Variants in CNOT8 observed in about 807,000 individuals in gnomAD.
CNOT8 encodes the protein CCR4-NOT transcription complex subunit 8.
Under a neutral mutation model 34.6 loss-of-function variants are expected in CNOT8, and 18 were observed. The observed-to-expected ratio is 0.52, with a 90% CI of 0.36 to 0.77. CNOT8 has a LOEUF of 0.77. Among genes scored for constraint, CNOT8 ranks in the 30% least tolerant of loss-of-function variants. The pLI, the probability that CNOT8 is intolerant of heterozygous loss-of-function variation, is 0.00. For synonymous variants in CNOT8, 101 were observed against 118.8 expected, an observed-to-expected ratio of 0.85 and a Z score of 0.98; for missense variants, 189 against 347.9, an observed-to-expected ratio of 0.54 and a Z score of 3.63.
intron 1 of CNOT8, among the ~76,000 whole-genome samples, chr5:154,862,480 A>AT (rs1761446525): frequency 6.6e-6 from 1 of 152,156 alleles, no homozygotes; most frequent in Non-Finnish European, 1.5e-5. Context: ...AAAAAAAAAA[A>AT]AGTAAATACT....
rs1414008274 is a variant in CNOT8 at position 154,865,127 on chromosome 5, G to A, written c.118-65G>A. 5 of 1,270,968 alleles carry A rather than the reference G, an allele frequency of 3.9e-6. No homozygotes were observed. The African/African-American group carries it at 7.6e-5, about 19-fold the overall frequency. 78.7% of individuals were successfully genotyped at this position (1,270,968 alleles called of 1,614,324 possible). A position where few individuals can be genotyped will look rare whatever the true frequency, so the allele number is the denominator to read the frequency against. ...TAAATGGAGGTAAAATTTTATTTAT[G>A]AATTACCAATTCAGCATCCACTGTT... On this transcript the variant is annotated intron_variant, in intron 2 of 6. Coordinates refer to ENST00000285896, the MANE Select transcript of CNOT8 (RefSeq NM_001301073.2).
rs183706752 is a variant in CNOT8 at position 154,870,647 on chromosome 5, A to G, written c.312-14A>G. The G allele has an allele frequency of 5.0e-6, 8 of 1,605,908 alleles. No homozygotes were observed. In the Admixed American group the frequency reaches 1.0e-4, roughly 21 times the overall value. On this transcript the variant is annotated splice_polypyrimidine_tract_variant and intron_variant, in intron 3 of 6. Transcript: ENST00000285896. Reference sequence around the variant, plus strand: ...ATTATTCACCAGTTAATAAATAAACACCTTGTTTTTTAGAGAGGACATGTA... The same window carrying G: ...ATTATTCACCAGTTAATAAATAAACGCCTTGTTTTTTAGAGAGGACATGTA...
At position 154,875,196 on chromosome 5, in the gene CNOT8, C is replaced by G. The variant is rs564924597; in HGVS notation, c.730-94C>G. 1.9e-5 allele frequency: 26 copies of G among 1,376,788 alleles called. No homozygotes were observed. In the African/African-American group the frequency reaches 3.4e-4, roughly 18 times the overall value. The allele number at this position is 1,376,788 out of a possible 1,614,324, so 85.3% of individuals were successfully genotyped here. The stretch of plus-strand genomic sequence containing the variant: ...CCTCACAAAGTGCTTGGATTCCAGA[C>G]GTGAGCCATTGCACCCGGCCAGATG... On this transcript the variant is annotated intron_variant, in intron 6 of 6. Transcript: ENST00000285896.
intron 4 of CNOT8, among the ~76,000 whole-genome samples, chr5:154,871,189 G>T (rs1255330795): frequency 6.6e-6 from 1 of 152,094 alleles, no homozygotes; most frequent in Non-Finnish European, 1.5e-5. Context: ...GATTTTTGGT[G>T]AATCGAATCT....
intron 4 of CNOT8, 112 bp from the exon 5 acceptor site, chr5:154,871,618 G>A: frequency 4.7e-6 from 3 of 641,106 alleles, no homozygotes; most frequent in Admixed American, 2.8e-5. Context: ...CTCAGAAAAA[G>A]TGAAAGTTCC....
upstream of CNOT8, chr5:154,858,332 C>G (rs963446952): frequency 3.9e-4 from 59 of 152,252 alleles, 1 homozygote. Flanking sequence ...GCAGGCGGGC[C>G]GTCTTCCGCA....
At position 154,863,273 on chromosome 5, in the gene CNOT8, T is replaced by G. The variant is rs571066594; in HGVS notation, c.-6T>G. Reference sequence around the variant, plus strand: ...AGCTGAAGACGACTTCTCAGGTTTCTTCAGGATGCCTGCAGCACTTGTGGA... The same window carrying G: ...AGCTGAAGACGACTTCTCAGGTTTCGTCAGGATGCCTGCAGCACTTGTGGA... On this transcript the variant is annotated 5_prime_UTR_variant, in exon 2 of 7. Coordinates refer to ENST00000285896, the MANE Select transcript of CNOT8 (RefSeq NM_001301073.2). 4.7e-5 allele frequency: 76 copies of G among 1,611,520 alleles called. No individual in the cohort carries two copies. In the South Asian group the frequency reaches 8.0e-4, roughly 17 times the overall value.
intron 6 of CNOT8, among the ~76,000 whole-genome samples, chr5:154,873,633 T>C (rs1198865075): frequency 6.6e-6 from 1 of 152,230 alleles, no homozygotes; most frequent in Non-Finnish European, 1.5e-5. Context: ...AATTGAAATA[T>C]TGATTTTGTT....
chr5:154,875,777 C>G lies in CNOT8; in HGVS notation c.*338C>G, dbSNP rs774046112. On this transcript the variant is annotated 3_prime_UTR_variant, in exon 7 of 7. Transcript: ENST00000285896. ...ACAAAGTAGTAAAATGTATATAACT[C>G]TTACCTGTTGTCATTCTTTTTCTTT... is the stretch of plus-strand genomic sequence containing the variant. 5.3e-6 allele frequency: 1 copy of G among 188,724 alleles called. No homozygotes were observed. Among genetic ancestry groups the G allele is most frequent in the African/African-American group, 2.4e-5 (1 of 42,346 alleles). 11.7% of individuals were successfully genotyped at this position (188,724 alleles called of 1,614,324 possible).
intron 2 of CNOT8, 115 bp downstream of exon 2, chr5:154,863,510 G>T: frequency 3.9e-6 from 3 of 761,460 alleles, no homozygotes; most frequent in Non-Finnish European, 7.0e-6. Flanking sequence ...GCTCACTGCA[G>T]CCTTGAACTC....
intron 2 of CNOT8, among the ~76,000 whole-genome samples, chr5:154,864,636 G>A (rs1181614281): frequency 6.6e-6 from 1 of 152,000 alleles, no homozygotes; most frequent in East Asian, 1.9e-4. Context: ...TTAATTGACT[G>A]CATATCTACC....
At chr5:154,860,013 A>G (rs557237537) in intron 1 of CNOT8, 15 of 152,310 alleles carry the variant, frequency 9.8e-5, no homozygotes, top group African/African-American at 3.4e-4. Flanking sequence ...GGAAGGTGCA[A>G]CGCTTGAGAT....
Position 154,875,670 on chromosome 5 carries a change from G to T in CNOT8, c.*231G>T, listed in dbSNP as rs946853596. Reference sequence around the variant, plus strand: ...TAAGTCTTCCCCATTCCTCATACTCGAGCCTCTCCTCTCTGGTTGCCTCCT... The same window carrying T: ...TAAGTCTTCCCCATTCCTCATACTCTAGCCTCTCCTCTCTGGTTGCCTCCT... On this transcript the variant is annotated 3_prime_UTR_variant, in exon 7 of 7. Coordinates refer to ENST00000285896, the MANE Select transcript of CNOT8 (RefSeq NM_001301073.2). The T allele has an allele frequency of 3.7e-5, 16 of 435,930 alleles. No individual in the cohort carries two copies. The highest frequency in any genetic ancestry group is 1.2e-3 in the Middle Eastern group (2 of 1,622). 27.0% of individuals were successfully genotyped at this position (435,930 alleles called of 1,614,324 possible).
At chr5:154,869,600 C>T (rs1561687671) in intron 3 of CNOT8, among the ~76,000 whole-genome samples, 1 of 150,072 alleles carries the variant, frequency 6.7e-6, no homozygotes, top group East Asian at 1.9e-4. Flanking sequence ...CATGCCACCA[C>T]GTCCGGCTAA....
In CNOT8 at chr5:154,865,175, A is replaced by G. The variant is rs1761750761; in HGVS notation, c.118-17A>G. 1 of 1,536,090 alleles carries G rather than the reference A, an allele frequency of 6.5e-7. No homozygotes were observed. Among genetic ancestry groups the G allele is most frequent in the Non-Finnish European group, 8.7e-7 (1 of 1,144,278 alleles). ...GTTTTGTGAAACCTTGTGATGAGAGACTTTTTCCTTTTCCAGGACACAGAA... is the reference window on the plus strand; with the variant it reads ...GTTTTGTGAAACCTTGTGATGAGAGGCTTTTTCCTTTTCCAGGACACAGAA... On this transcript the variant is annotated splice_polypyrimidine_tract_variant and intron_variant, in intron 2 of 6. Coordinates refer to ENST00000285896, the MANE Select transcript of CNOT8 (RefSeq NM_001301073.2).
At chr5:154,867,683 T>A in intron 3 of CNOT8, 1 of 275,846 alleles carries the variant, frequency 3.6e-6, no homozygotes, top group South Asian at 2.9e-5. Flanking sequence ...ACTTTTTTCC[T>A]TTCACTAGAT....
chr5:154,867,731 T>C, intron 3 of CNOT8: 1 of 258,792 alleles, frequency 3.9e-6, no homozygotes. Context: ...CATGTGTTGC[T>C]TGAGCTAAAA....
intron 2 of CNOT8, among the ~76,000 whole-genome samples, chr5:154,864,115 T>C (rs1761625045): frequency 1.3e-5 from 2 of 152,180 alleles, no homozygotes; most frequent in Admixed American, 1.3e-4. Context: ...CATACCTAGC[T>C]GACTTTACTC....
chr5:154,875,233 A>G, intron 6 of CNOT8, 57 bp from the exon 7 acceptor site: 1 of 1,583,656 alleles, frequency 6.3e-7, no homozygotes. Context: ...GATAATATTT[A>G]TACTTGTCAT....
Sources: allele counts gnomAD v4.1 joint callset (sites outside exome capture counted in the v4.1 genomes callset), GRCh38; gene constraint gnomAD v4.1.1; transcripts MANE v1.5; gene names NCBI Gene and HGNC (gene_info 2026-07-23, HGNC 2026-07-21).